GALNT18: variants seen among roughly 807,000 people sequenced by gnomAD.
GALNT18 encodes the protein GalNAc-transferase 18.
GALNT18 carries 44 observed loss-of-function variants against 69.5 expected under a neutral mutation model. That is an observed-to-expected ratio of 0.63 (90% confidence interval 0.50 to 0.81). GALNT18 has a LOEUF of 0.81. GALNT18 is among the 40% of genes least tolerant of loss of function. GALNT18 has a pLI of 0.00. For missense variants in GALNT18, 715 were observed against 810.0 expected (o/e 0.88, Z 1.42); for synonymous variants, 364 against 318.2 (o/e 1.14, Z -1.53).
chr11:11,387,649 G>A lies in GALNT18; in HGVS notation c.596-8385C>T, dbSNP rs959421824. ...AATGCTATGTCAACACATTTTAAAG[G>A]AGAGATTATTTATGAGGATGCAATG... On this transcript the variant is annotated intron_variant, in intron 3 of 10. Coordinates refer to ENST00000227756, the MANE Select transcript of GALNT18 (RefSeq NM_198516.3). The surrounding 1 kb of genome is among the most constrained non-coding windows in gnomAD (Gnocchi z 4.6). 1.3e-5 allele frequency among the ~76,000 whole-genome samples: 2 copies of A among 152,216 alleles called. No individual in the cohort carries two copies. Among genetic ancestry groups the A allele is most frequent in the Non-Finnish European group, 2.9e-5 (2 of 68,044 alleles).
chr11:11,327,958 C>T (rs1418965391), intron 8 of GALNT18, among the ~76,000 whole-genome samples: 1 of 152,130 alleles, frequency 6.6e-6, no homozygotes, highest in Non-Finnish European at 1.5e-5. Context: ...CTTTCTCTGC[C>T]TCTCTCTCCT....
Position 11,583,976 on chromosome 11 carries a change from A to G in GALNT18, c.235+37383T>C, listed in dbSNP as rs1859154746. Among the ~76,000 whole-genome samples, 1 of 152,168 alleles carries G rather than the reference A, an allele frequency of 6.6e-6. No individual in the cohort carries two copies. The highest frequency in any genetic ancestry group is 1.5e-5 in the Non-Finnish European group (1 of 68,026). ...AGCACAAGGTCACACTCAATGAAATAGAGATGAACTGAATTCTTGTGAGGA... is the reference window on the plus strand; with the variant it reads ...AGCACAAGGTCACACTCAATGAAATGGAGATGAACTGAATTCTTGTGAGGA... On this transcript the variant is annotated intron_variant, in intron 1 of 10. Transcript: ENST00000227756. The surrounding 1 kb of genome is among the most constrained non-coding windows in gnomAD (Gnocchi z 4.7).
At chr11:11,561,154 C>G (rs1455609174) in intron 1 of GALNT18, among the ~76,000 whole-genome samples, 1 of 152,018 alleles carries the variant, frequency 6.6e-6, no homozygotes, top group Non-Finnish European at 1.5e-5. Context: ...CCATGAGAAA[C>G]AGCAGCAGCA....
intron 3 of GALNT18, among the ~76,000 whole-genome samples, chr11:11,422,477 C>T (rs750348610): frequency 6.6e-5 from 10 of 152,228 alleles, no homozygotes; most frequent in Non-Finnish European, 8.8e-5. Context: ...TTTGGCTGAA[C>T]GGGCTGACAG....
intron 4 of GALNT18, among the ~76,000 whole-genome samples, chr11:11,378,182 G>C (rs1393276692): frequency 6.6e-6 from 1 of 152,224 alleles, no homozygotes; most frequent in African/African-American, 2.4e-5. Flanking sequence ...ATTTGGGCCT[G>C]TTATGGCAGC....
chr11:11,468,349 A>C (rs960124872), intron 1 of GALNT18, among the ~76,000 whole-genome samples: 4 of 152,194 alleles, frequency 2.6e-5, no homozygotes, highest in African/African-American at 9.7e-5. Context: ...TAGAAAGAGA[A>C]GTCTGTCAAG....
intron 1 of GALNT18, among the ~76,000 whole-genome samples, chr11:11,531,924 G>T (rs544108813): frequency 6.6e-6 from 1 of 152,178 alleles, no homozygotes; most frequent in South Asian, 2.1e-4. Flanking sequence ...ATGGATGCAC[G>T]TGTGTGTGAG....
Position 11,511,268 on chromosome 11 carries a change from G to T in GALNT18, c.236-62332C>A, listed in dbSNP as rs1350263193. The stretch of plus-strand genomic sequence containing the variant: ...AATCTGCTGAAGACTGAAGGGACCG[G>T]CTGTCCAGCTTCACGCAGGGAGGGC... On this transcript the variant is annotated intron_variant, in intron 1 of 10. Coordinates refer to ENST00000227756, the MANE Select transcript of GALNT18 (RefSeq NM_198516.3). This position sits in a 1 kb window ranked among gnomAD's most constrained non-coding sequence, Gnocchi z 4.9. Among the ~76,000 whole-genome samples the T allele has an allele frequency of 1.3e-5, 2 of 152,190 alleles. No homozygotes were observed. The highest frequency in any genetic ancestry group is 4.8e-5 in the African/African-American group (2 of 41,438).
intron 6 of GALNT18, among the ~76,000 whole-genome samples, chr11:11,354,777 T>C (rs978991167): frequency 1.3e-5 from 2 of 152,168 alleles, no homozygotes; most frequent in African/African-American, 4.8e-5. Context: ...TTCACTCTCA[T>C]GTGTCTCAGG....
rs367964804 is a variant in GALNT18, at chr11:11,383,434, A to C, written c.596-4170T>G. Among the ~76,000 whole-genome samples the C allele has an allele frequency of 1.7e-4, 26 of 152,308 alleles. No individual in the cohort carries two copies. Among genetic ancestry groups the C allele is most frequent in the African/African-American group, 6.3e-4 (26 of 41,566 alleles). On this transcript the variant is annotated intron_variant, in intron 3 of 10. Coordinates refer to ENST00000227756, the MANE Select transcript of GALNT18 (RefSeq NM_198516.3). This position sits in a 1 kb window ranked among gnomAD's most constrained non-coding sequence, Gnocchi z 5.2. ...TGCATAAAGGAAACTAAAGGATCTGAAAGTTGATGCCTAATGGGGCTTTGC... is the reference window on the plus strand; with the variant it reads ...TGCATAAAGGAAACTAAAGGATCTGCAAGTTGATGCCTAATGGGGCTTTGC...
intron 1 of GALNT18, among the ~76,000 whole-genome samples, chr11:11,522,325 T>C (rs148356943): frequency 3.5e-4 from 54 of 152,228 alleles, no homozygotes; most frequent in Non-Finnish European, 7.1e-4. Context: ...ATCCCATCCC[T>C]CTTTCCACAC....
chr11:11,492,149 G>A (rs1196988066), intron 1 of GALNT18, among the ~76,000 whole-genome samples: 5 of 152,164 alleles, frequency 3.3e-5, no homozygotes, highest in Admixed American at 6.5e-5. Flanking sequence ...TTGTATCCTC[G>A]TGTTTAAGTC....
Position 11,621,461 on chromosome 11 carries a change from C to G in GALNT18, c.133G>C (p.Glu45Gln). The G allele has an allele frequency of 6.2e-7, 1 of 1,614,154 alleles. No individual in the cohort carries two copies. Among genetic ancestry groups the G allele is most frequent in the Non-Finnish European group, 8.5e-7 (1 of 1,180,018 alleles). Residue 45 changes from glutamate (E) to glutamine (Q), a missense_variant, in exon 1 of 11, where the codon GAG becomes CAG. By Grantham distance (29) the Glu-to-Gln change is conservative. Coordinates refer to ENST00000227756, the MANE Select transcript of GALNT18 (RefSeq NM_198516.3). The surrounding 1 kb of genome is among the most constrained non-coding windows in gnomAD (Gnocchi z 9.3). ...TCCAGCTTCTTGTCGGGCGCCGGCTCCTGCCCCCGCACATACACGCTGGCG... is the reference window on the plus strand; with the variant it reads ...TCCAGCTTCTTGTCGGGCGCCGGCTGCTGCCCCCGCACATACACGCTGGCG... ...YIASVYVRGQ[E>Q]PAPDKKLEED...
Position 11,469,103 on chromosome 11 carries a change from C to T in GALNT18, c.236-20167G>A, listed in dbSNP as rs913871174. 1.1e-4 allele frequency among the ~76,000 whole-genome samples: 17 copies of T among 152,190 alleles called. No homozygotes were observed. Among genetic ancestry groups the T allele is most frequent in the Admixed American group, 2.6e-4 (4 of 15,266 alleles). ...ACCAGGACACAGCACTCTTTAACCA[C>T]GTCACTGTGAATCAGCCAGCTCTGA... is the stretch of plus-strand genomic sequence containing the variant. On this transcript the variant is annotated intron_variant, in intron 1 of 10. Coordinates refer to ENST00000227756, the MANE Select transcript of GALNT18 (RefSeq NM_198516.3). The surrounding 1 kb of genome is among the most constrained non-coding windows in gnomAD (Gnocchi z 4.2).
rs564473691 is a variant in GALNT18, at chr11:11,393,370, T to C, written c.596-14106A>G. ...TGAGTCTGGTTAGGCTGCTGCTAGA[T>C]CCCAAATGTAGAAAAACAAATGACT... On this transcript the variant is annotated intron_variant, in intron 3 of 10. Transcript: ENST00000227756. 2.9e-4 allele frequency among the ~76,000 whole-genome samples: 44 copies of C among 152,350 alleles called. No homozygotes were observed. In the East Asian group the frequency reaches 7.9e-3, roughly 27 times the overall value.
At chr11:11,346,688 C>A (rs1850309165) in intron 6 of GALNT18, among the ~76,000 whole-genome samples, 1 of 152,276 alleles carries the variant, frequency 6.6e-6, no homozygotes, top group South Asian at 2.1e-4. Flanking sequence ...GCTGGGACCA[C>A]CTCCCACATG....
chr11:11,346,738 T>C (rs1850310652), intron 6 of GALNT18, among the ~76,000 whole-genome samples: 1 of 152,134 alleles, frequency 6.6e-6, no homozygotes, highest in Admixed American at 6.6e-5. Context: ...AACAGTTACC[T>C]GGGGCAGAGC....
intron 1 of GALNT18, among the ~76,000 whole-genome samples, chr11:11,597,670 T>TG (rs111440884): frequency 0.012 from 1,870 of 151,624 alleles, 49 homozygotes; most frequent in African/African-American, 0.043. Flanking sequence ...ATTCTTTTTT[T>TG]TTTTTTTTGA....
chr11:11,274,013 G>A (rs766736809), intron 10 of GALNT18, among the ~76,000 whole-genome samples: 2 of 152,164 alleles, frequency 1.3e-5, no homozygotes, highest in Non-Finnish European at 2.9e-5. Context: ...TGGTTGGACA[G>A]TGGGTGTAGC....
Sources: allele counts gnomAD v4.1 joint callset (sites outside exome capture counted in the v4.1 genomes callset), GRCh38; gene constraint gnomAD v4.1.1; non-coding constraint Gnocchi (gnomAD v3.1); transcripts MANE v1.5; gene names NCBI Gene and HGNC (gene_info 2026-07-23, HGNC 2026-07-21).